C4orf51: variants seen among roughly 807,000 people sequenced by gnomAD.
C4orf51 encodes the protein chromosome 4 open reading frame 51.
Under a neutral mutation model 25.2 loss-of-function variants are expected in C4orf51, and 25 were observed. The observed-to-expected ratio is 0.99, with a 90% CI of 0.72 to 1.39. The LOEUF (loss-of-function observed/expected upper bound fraction) is 1.39. C4orf51 is among the 40% of genes most tolerant of loss of function. The probability of loss-of-function intolerance (pLI) is 0.00; values close to 1 mark genes in which losing one functional copy is unlikely to be tolerated. For synonymous variants in C4orf51, 100 were observed against 84.5 expected, an observed-to-expected ratio of 1.18 and a Z score of -1.01; for missense variants, 252 against 239.6, an observed-to-expected ratio of 1.05 and a Z score of -0.34.
At chr4:145,685,386 G>A (rs532497960) in intron 1 of C4orf51, among the ~76,000 whole-genome samples, 3 of 152,248 alleles carry the variant, frequency 2.0e-5, no homozygotes, top group East Asian at 1.9e-4. Context: ...CTCAGACAGC[G>A]AGTTAAAGAA....
At chr4:145,704,611 C>T (rs1234778038) in intron 2 of C4orf51, among the ~76,000 whole-genome samples, 1 of 152,070 alleles carries the variant, frequency 6.6e-6, no homozygotes, top group African/African-American at 2.4e-5. Flanking sequence ...TGCCATGCTC[C>T]TTTGATTGCT....
At chr4:145,710,706 A>C (rs78195287) in intron 2 of C4orf51, among the ~76,000 whole-genome samples, 2,418 of 150,476 alleles carry the variant, frequency 0.016, 28 homozygotes, top group South Asian at 0.029. Flanking sequence ...TTTCCCCGGC[A>C]TTGGTTGCAG....
At chr4:145,705,798 A>C (rs914420855) in intron 2 of C4orf51, among the ~76,000 whole-genome samples, 1 of 152,158 alleles carries the variant, frequency 6.6e-6, no homozygotes, top group Admixed American at 6.5e-5. Context: ...GTGAGAGGAA[A>C]CAGATAGGAT....
chr4:145,744,933 T>C (rs1414361981), intron 1 of C4orf51, among the ~76,000 whole-genome samples: 1 of 152,194 alleles, frequency 6.6e-6, no homozygotes, highest in Non-Finnish European at 1.5e-5. Context: ...TGCCCATTTA[T>C]TTAATTGTAG....
chr4:145,694,047 G>A (rs1159875675), intron 1 of C4orf51, among the ~76,000 whole-genome samples: 2 of 128,802 alleles, frequency 1.6e-5, no homozygotes, highest in East Asian at 2.7e-4. Flanking sequence ...GGGCAGAGAC[G>A]CTCCTCACCT....
chr4:145,681,508 G>A (rs1187500477), intron 1 of C4orf51, among the ~76,000 whole-genome samples: 1 of 152,174 alleles, frequency 6.6e-6, no homozygotes, highest in African/African-American at 2.4e-5. Context: ...ACATCCCTTT[G>A]CTACTTTTTC....
chr4:145,708,761 T>A (rs1730973382), intron 2 of C4orf51, among the ~76,000 whole-genome samples: 1 of 152,274 alleles, frequency 6.6e-6, no homozygotes, highest in South Asian at 2.1e-4. Context: ...ATGGGTCTAT[T>A]GTGCCTACGG....
intron 2 of C4orf51, among the ~76,000 whole-genome samples, chr4:145,725,584 A>G (rs1328498524): frequency 7.1e-6 from 1 of 140,636 alleles, no homozygotes; most frequent in Non-Finnish European, 1.5e-5. Context: ...CGTACAATGG[A>G]ACACTATTCA....
At chr4:145,702,518 T>A (rs1037469692) in intron 2 of C4orf51, among the ~76,000 whole-genome samples, 1 of 152,174 alleles carries the variant, frequency 6.6e-6, no homozygotes, top group African/African-American at 2.4e-5. Context: ...CTGTTAGTCA[T>A]ACTCCTATTC....
At chr4:145,692,395 A>G (rs1169435899) in intron 1 of C4orf51, among the ~76,000 whole-genome samples, 3 of 152,224 alleles carry the variant, frequency 2.0e-5, no homozygotes, top group African/African-American at 7.2e-5. Context: ...AAAATGTATT[A>G]AGAGAAGCAA....
At chr4:145,718,867 A>T (rs1227745902) in intron 2 of C4orf51, among the ~76,000 whole-genome samples, 1 of 152,196 alleles carries the variant, frequency 6.6e-6, no homozygotes. Context: ...GAACACAATT[A>T]TCCCAGTTCT....
intron 1 of C4orf51, among the ~76,000 whole-genome samples, chr4:145,682,571 A>G (rs1190926183): frequency 6.6e-6 from 1 of 152,212 alleles, no homozygotes; most frequent in East Asian, 1.9e-4. Context: ...ACAAAACATT[A>G]TACATTACAC....
At chr4:145,734,079 T>A (rs942492030), downstream of C4orf51, among the ~76,000 whole-genome samples, 2 of 152,210 alleles carry the variant, frequency 1.3e-5, no homozygotes, top group African/African-American at 4.8e-5. Context: ...TACAGATAGG[T>A]TGCAACAGTA....
chr4:145,729,599 T>C (rs540116936), intron 4 of C4orf51, among the ~76,000 whole-genome samples: 10 of 152,182 alleles, frequency 6.6e-5, no homozygotes, highest in Admixed American at 1.3e-4. Context: ...CCATGCCCGG[T>C]CCTTTCATGT....
intron 2 of C4orf51, among the ~76,000 whole-genome samples, chr4:145,724,331 A>G (rs950329693): frequency 9.2e-5 from 14 of 152,184 alleles, no homozygotes; most frequent in African/African-American, 2.7e-4. Flanking sequence ...GTGGCTATGA[A>G]AAAGTGGGTT....
the C4orf51 span, among the ~76,000 whole-genome samples, chr4:145,776,708 G>T: frequency 6.6e-6 from 1 of 152,128 alleles, no homozygotes; most frequent in Non-Finnish European, 1.5e-5. Context: ...CAGCGTAAAA[G>T]AGGCCTCATC....
intron 1 of C4orf51, among the ~76,000 whole-genome samples, chr4:145,767,475 A>G (rs1476195058): frequency 6.6e-6 from 1 of 152,180 alleles, no homozygotes; most frequent in East Asian, 1.9e-4. Flanking sequence ...AAAATTTTCC[A>G]AATTTGAGGA....
chr4:145,696,172 G>A (rs1162378539), intron 1 of C4orf51, among the ~76,000 whole-genome samples: 2 of 152,156 alleles, frequency 1.3e-5, no homozygotes, highest in Non-Finnish European at 2.9e-5. Context: ...TGAGGCAGGA[G>A]AATCACTTGA....
chr4:145,742,396 T>C (rs2126795524), intron 1 of C4orf51, among the ~76,000 whole-genome samples: 1 of 152,330 alleles, frequency 6.6e-6, no homozygotes, highest in East Asian at 1.9e-4. Context: ...CTGCTGCTGC[T>C]GTTTCTTCCA....
Sources: gnomAD v4.1 joint callset for allele counts (sites outside exome capture counted in the v4.1 genomes callset) on GRCh38, gnomAD v4.1.1 for gene constraint, MANE v1.5 for transcripts, NCBI Gene and HGNC (gene_info 2026-07-23, HGNC 2026-07-21) for gene names.